Variants in RGS6 observed in about 807,000 individuals in gnomAD.
RGS6 encodes regulator of G-protein signaling 6.
Under a neutral mutation model 78.5 loss-of-function variants are expected in RGS6, and 30 were observed. That is an observed-to-expected ratio of 0.38 (90% CI 0.29 to 0.52). The LOEUF is 0.52. Among genes scored for constraint, RGS6 ranks in the 20% least tolerant of loss-of-function variants. RGS6 has a pLI of 0.85. For missense variants in RGS6, 495 were observed against 609.7 expected (o/e 0.81, Z 1.98); for synonymous variants, 206 against 206.0 (o/e 1.00, Z 0.00).
At chr14:72,053,062 TCCC>T (rs1239447559) in intron 2 of RGS6, among the ~76,000 whole-genome samples, 3 of 8,076 alleles carry the variant, frequency 3.7e-4, no homozygotes, top group East Asian at 0.025. Context: ...CCTCCCTCCC[TCCC>T]TCCCTCCCTC....
the RGS6 span, among the ~76,000 whole-genome samples, chr14:71,891,723 A>C: frequency 6.6e-6 from 1 of 152,214 alleles, no homozygotes; most frequent in Non-Finnish European, 1.5e-5. Context: ...GTCAGCCTTA[A>C]GATCTCTCTG....
the RGS6 span, among the ~76,000 whole-genome samples, chr14:71,918,715 A>G: frequency 6.6e-6 from 1 of 152,164 alleles, no homozygotes; most frequent in African/African-American, 2.4e-5. Context: ...ATTACGTGAA[A>G]TAGTCTTCAT....
At chr14:72,266,595 A>G (rs1266192250) in intron 2 of RGS6, among the ~76,000 whole-genome samples, 2 of 152,230 alleles carry the variant, frequency 1.3e-5, no homozygotes, top group Admixed American at 6.5e-5. Context: ...AGTTTCAAGA[A>G]ATAAGAATTG....
chr14:71,954,807 C>T (rs535841276), intron 1 of RGS6, among the ~76,000 whole-genome samples: 6 of 152,178 alleles, frequency 3.9e-5, no homozygotes, highest in African/African-American at 1.4e-4. Flanking sequence ...GTTTCATTAC[C>T]ATTTACTTTC....
intron 5 of RGS6, 69 bp from the exon 6 acceptor site, chr14:72,459,562 CT>C (rs2095721725): frequency 1.0e-5 from 15 of 1,501,018 alleles, no homozygotes; most frequent in Non-Finnish European, 1.4e-5. Context: ...AGGGAGGCTC[CT>C]CCCTGGGTGT....
chr14:72,043,474 T>A (rs1162791502), intron 2 of RGS6, among the ~76,000 whole-genome samples: 1 of 86,744 alleles, frequency 1.2e-5, no homozygotes, highest in Non-Finnish European at 2.3e-5. Context: ...AAGTCTTTAT[T>A]TTTTCTTCAC....
chr14:72,415,547 TGCACCCACTGTCCA>T (rs760843876), intron 3 of RGS6, among the ~76,000 whole-genome samples: 1 of 152,222 alleles, frequency 6.6e-6, no homozygotes, highest in Non-Finnish European at 1.5e-5. Flanking sequence ...CCCACTGTCC[TGCACCCACTGTCCA>T]GCACTACCCA....
chr14:72,562,908 A>G lies in RGS6; in HGVS notation c.*441A>G. ...GACCGAGAGCACATCCAGCATTTGCATCACCTCCCTGGCACCTCCCATAGT... is the reference window on the plus strand; with the variant it reads ...GACCGAGAGCACATCCAGCATTTGCGTCACCTCCCTGGCACCTCCCATAGT... On this transcript the variant is annotated 3_prime_UTR_variant, in exon 18 of 18. Transcript: ENST00000553525. 1 of 709,854 alleles carries G rather than the reference A, an allele frequency of 1.4e-6. No homozygotes were observed. The highest frequency in any genetic ancestry group is 2.5e-6 in the Non-Finnish European group (1 of 407,698). The allele number at this position is 709,854 out of a possible 1,614,324, so 44.0% of individuals were successfully genotyped here. A position where few individuals can be genotyped will look rare whatever the true frequency, so the allele number is the denominator to read the frequency against.
At position 72,322,785 on chromosome 14, in the gene RGS6, G is replaced by C. The variant is rs144855202; in HGVS notation, c.85-29310G>C. Among the ~76,000 whole-genome samples, 71 of 152,124 alleles carry C rather than the reference G, an allele frequency of 4.7e-4. No homozygotes were observed. The East Asian group carries it at 8.9e-3, about 19-fold the overall frequency. On this transcript the variant is annotated intron_variant, in intron 2 of 17. Coordinates refer to ENST00000553525, the MANE Select transcript of RGS6 (RefSeq NM_001204424.2). ...ATTCATAAAATATTGTCAAAATTAA[G>C]AATCACTTTATCATCTCCATAAATA...
chr14:72,296,792 A>C (rs1437262110), intron 2 of RGS6, among the ~76,000 whole-genome samples: 1 of 152,076 alleles, frequency 6.6e-6, no homozygotes, highest in Non-Finnish European at 1.5e-5. Flanking sequence ...TTTGCAGTTA[A>C]ATTTATGGAT....
intron 2 of RGS6, among the ~76,000 whole-genome samples, chr14:72,025,317 G>A (rs1430014805): frequency 2.0e-5 from 3 of 151,888 alleles, no homozygotes; most frequent in Non-Finnish European, 2.9e-5. Flanking sequence ...GGTGTTTCTG[G>A]TTTCTGTTAT....
the RGS6 span, among the ~76,000 whole-genome samples, chr14:72,598,173 T>C: frequency 5.9e-5 from 9 of 152,194 alleles, no homozygotes. Flanking sequence ...CACTGAACCA[T>C]GACAGGCCAG....
intron 2 of RGS6, among the ~76,000 whole-genome samples, chr14:72,146,338 C>T (rs2096606977): frequency 6.6e-6 from 1 of 152,202 alleles, no homozygotes; most frequent in Admixed American, 6.5e-5. Flanking sequence ...TAGCATTCTG[C>T]CTCTGGTATT....
the RGS6 span, among the ~76,000 whole-genome samples, chr14:72,596,992 A>T: frequency 6.6e-6 from 1 of 152,134 alleles, no homozygotes; most frequent in Non-Finnish European, 1.5e-5. Flanking sequence ...TAATCCCAAC[A>T]CTTTGGGATG....
At chr14:72,282,901 C>A (rs2061827252) in intron 2 of RGS6, among the ~76,000 whole-genome samples, 1 of 152,142 alleles carries the variant, frequency 6.6e-6, no homozygotes, top group East Asian at 1.9e-4. Context: ...ATAACTGAAA[C>A]CTTCTACTTG....
At chr14:71,894,834 T>TA in the RGS6 span, among the ~76,000 whole-genome samples, 4 of 151,860 alleles carry the variant, frequency 2.6e-5, no homozygotes, top group African/African-American at 9.7e-5. Flanking sequence ...CTTTTTTTAT[T>TA]TTTTTTTGAG....
At chr14:72,452,884 T>A (rs1430173531) in intron 3 of RGS6, among the ~76,000 whole-genome samples, 1 of 152,186 alleles carries the variant, frequency 6.6e-6, no homozygotes, top group African/African-American at 2.4e-5. Context: ...CTCAGAACAT[T>A]GTTTGCGGGT....
chr14:71,945,251 T>A (rs527789804), intron 1 of RGS6, among the ~76,000 whole-genome samples: 35 of 152,360 alleles, frequency 2.3e-4, no homozygotes, highest in Non-Finnish European at 4.9e-4. Context: ...GCATTATATG[T>A]ACTTATATAT....
chr14:72,244,482 C>T (rs1434585835), intron 2 of RGS6, among the ~76,000 whole-genome samples: 3 of 152,194 alleles, frequency 2.0e-5, no homozygotes, highest in South Asian at 2.1e-4. Context: ...AGGGACGTGA[C>T]TGCACCGGAT....
Sources: allele counts gnomAD v4.1 joint callset (sites outside exome capture counted in the v4.1 genomes callset), GRCh38; gene constraint gnomAD v4.1.1; transcripts MANE v1.5; gene names NCBI Gene and HGNC (gene_info 2026-07-23, HGNC 2026-07-21).